Variants in ASIC1 observed in about 807,000 individuals in gnomAD.
ASIC1 encodes acid sensing ion channel subunit 1.
In ASIC1, 21 loss-of-function variants were observed where a neutral mutation model predicts 63.4. The ratio of observed to expected loss-of-function variants is 0.33; its 90% CI spans 0.23 to 0.48. The LOEUF is 0.48. Among genes scored for constraint, ASIC1 ranks in the 20% least tolerant of loss-of-function variants. The pLI is 0.99. For synonymous variants in ASIC1, 258 were observed against 278.2 expected (o/e 0.93, Z 0.72); for missense variants, 478 against 695.5 (o/e 0.69, Z 3.52).
chr12:50,064,564 C>T (rs903316359), intron 3 of ASIC1, among the ~76,000 whole-genome samples: 1 of 152,180 alleles, frequency 6.6e-6, no homozygotes, highest in Admixed American at 6.5e-5. Context: ...CTAAGTGCCT[C>T]TGGGGGCCAA....
At chr12:50,076,784 G>A (rs1195083772) in intron 3 of ASIC1, 1 of 364,404 alleles carries the variant, frequency 2.7e-6, no homozygotes, top group African/African-American at 2.1e-5. Flanking sequence ...ATCACTTCTA[G>A]GCTGAAGAAG....
In ASIC1 at chr12:50,078,890, C is replaced by G. The variant is rs1158871072; in HGVS notation, c.995-34C>G. Reference sequence around the variant, plus strand: ...CCACCATCACCAGACCCCTTGAATTCCCATCCTGCATCATTGTCTTTTCTC... The same window carrying G: ...CCACCATCACCAGACCCCTTGAATTGCCATCCTGCATCATTGTCTTTTCTC... On this transcript the variant is annotated intron_variant, in intron 6 of 11. Transcript: ENST00000447966. This position sits in a 1 kb window ranked among gnomAD's most constrained non-coding sequence, Gnocchi z 6.0. The G allele has an allele frequency of 1.2e-6, 2 of 1,606,518 alleles. No individual in the cohort carries two copies. The highest frequency in any genetic ancestry group is 4.5e-5 in the East Asian group (2 of 44,820).
chr12:50,080,373 A>C lies in ASIC1; in HGVS notation c.1206-125A>C, dbSNP rs1286602544. 11 of 956,650 alleles carry C rather than the reference A, an allele frequency of 1.1e-5. 1 individual carries two copies. The highest frequency in any genetic ancestry group is 2.2e-4 in the Middle Eastern group (1 of 4,624). The allele number at this position is 956,650 out of a possible 1,614,324, so 59.3% of individuals were successfully genotyped here. A position where few individuals can be genotyped will look rare whatever the true frequency, so the allele number is the denominator to read the frequency against. Reference sequence around the variant, plus strand: ...TTAATCCTAAAAGGCAGGTATCTCCATCAGCATCTCATTTTATGGATATGG... The same window carrying C: ...TTAATCCTAAAAGGCAGGTATCTCCCTCAGCATCTCATTTTATGGATATGG... On this transcript the variant is annotated intron_variant, in intron 8 of 11. Transcript: ENST00000447966.
At chr12:50,077,005 C>T (rs1191634088) in intron 3 of ASIC1, 2 of 825,444 alleles carry the variant, frequency 2.4e-6, no homozygotes, top group South Asian at 1.4e-5. Context: ...AGGCGATGCA[C>T]CCTACCAGGA....
At chr12:50,062,017 C>T (rs1020242089) in intron 3 of ASIC1, among the ~76,000 whole-genome samples, 4 of 152,180 alleles carry the variant, frequency 2.6e-5, no homozygotes, top group Non-Finnish European at 5.9e-5. Context: ...TGCTGTTTTG[C>T]AGCCCATGTC....
intron 3 of ASIC1, among the ~76,000 whole-genome samples, chr12:50,065,864 A>G (rs903648405): frequency 2.0e-5 from 3 of 152,254 alleles, no homozygotes; most frequent in Admixed American, 2.0e-4. Flanking sequence ...GGCTGAGAAC[A>G]TCCCTGGGGG....
chr12:50,072,057 GAGGCCAA>G (rs1950605002), intron 3 of ASIC1, among the ~76,000 whole-genome samples: 1 of 152,208 alleles, frequency 6.6e-6, no homozygotes, highest in Non-Finnish European at 1.5e-5. Context: ...CAGCAAAGCT[GAGGCCAA>G]AGGTTCCACA....
intron 1 of ASIC1, 108 bp from the exon 2 acceptor site, chr12:50,058,643 G>T: frequency 7.2e-7 from 1 of 1,382,008 alleles, no homozygotes. Flanking sequence ...TTCTGCCCGA[G>T]GAGTGGTGAC....
intron 1 of ASIC1, 113 bp downstream of exon 1, chr12:50,058,029 G>C (rs932737564): frequency 2.0e-5 from 3 of 152,164 alleles, no homozygotes; most frequent in South Asian, 4.1e-4. Flanking sequence ...GGCTGGGGAG[G>C]GGGGCGGGGG....
intron 1 of ASIC1, 112 bp from the exon 2 acceptor site, chr12:50,058,639 C>T (rs1950469741): frequency 7.4e-7 from 1 of 1,359,968 alleles, no homozygotes; most frequent in Non-Finnish European, 9.8e-7. Context: ...AGTCTTCTGC[C>T]CGAGGAGTGG....
Position 50,081,624 on chromosome 12 carries a change from G to A in ASIC1, c.1562G>A (p.Gly521Asp), listed in dbSNP as rs1260665757. Residue 521 changes from glycine to aspartate, a missense_variant, in exon 12 of 12, where the codon GGC (glycine) becomes GAC (aspartate). Coordinates refer to ENST00000447966, the MANE Select transcript of ASIC1 (RefSeq NM_001095.4). ...ATCCTACCTCACCATCCGGCCCGAG[G>A]CACGTTCGAGGACTTTACCTGCTGA... ...ANILPHHPAR[G>D]TFEDFTC The A allele has an allele frequency of 6.2e-7, 1 of 1,614,070 alleles. No individual in the cohort carries two copies. The highest frequency in any genetic ancestry group is 1.1e-5 in the South Asian group (1 of 91,068).
chr12:50,072,417 AAC>A (rs1319161066), intron 3 of ASIC1, among the ~76,000 whole-genome samples: 1 of 152,164 alleles, frequency 6.6e-6, no homozygotes. Context: ...GAGTAATCAG[AAC>A]ACACAGAGGG....
intron 3 of ASIC1, chr12:50,073,617 C>A (rs1436964212): frequency 2.0e-6 from 3 of 1,534,522 alleles, no homozygotes; most frequent in Non-Finnish European, 2.6e-6. Context: ...CCATGTCATT[C>A]TCCTCTGGAG....
chr12:50,065,800 G>T (rs1950540088), intron 3 of ASIC1, among the ~76,000 whole-genome samples: 1 of 152,324 alleles, frequency 6.6e-6, no homozygotes, highest in Middle Eastern at 3.4e-3. Context: ...CCAGGAGGTT[G>T]GGCTGTGCAG....
chr12:50,080,673 C>T, intron 9 of ASIC1, 84 bp downstream of exon 9: 1 of 1,614,146 alleles, frequency 6.2e-7, no homozygotes, highest in Non-Finnish European at 8.5e-7. Context: ...GTGCTCACTT[C>T]TGTCCCATGA....
chr12:50,060,544 T>A (rs1455896645), intron 3 of ASIC1, among the ~76,000 whole-genome samples: 3 of 152,156 alleles, frequency 2.0e-5, no homozygotes, highest in African/African-American at 7.2e-5. Context: ...CATAGACACA[T>A]ACACTGTTTG....
At chr12:50,060,092 A>C (rs879654152) in intron 3 of ASIC1, 138 bp downstream of exon 3, 30 of 1,052,830 alleles carry the variant, frequency 2.8e-5, no homozygotes, top group Non-Finnish European at 3.7e-5. Flanking sequence ...TTCTAGTAGA[A>C]GGGGAGTTTG....
chr12:50,063,108 G>T (rs1308421375), intron 3 of ASIC1, among the ~76,000 whole-genome samples: 1 of 152,216 alleles, frequency 6.6e-6, no homozygotes, highest in South Asian at 2.1e-4. Context: ...TCCTGGTAGG[G>T]TGTGTTGTTG....
In ASIC1 at chr12:50,078,366, A is replaced by G. The variant is rs960581152; in HGVS notation, c.838-55A>G. ...TGCATCTTGTCAGAGGAGTCCATCA[A>G]GCTGATTTGGGGAGAAGTCCCCGCA... On this transcript the variant is annotated intron_variant, in intron 5 of 11. Transcript: ENST00000447966. The surrounding 1 kb of genome is among the most constrained non-coding windows in gnomAD (Gnocchi z 6.0). 6 of 1,602,968 alleles carry G rather than the reference A, an allele frequency of 3.7e-6. No homozygotes were observed. The highest frequency in any genetic ancestry group is 3.4e-5 in the Admixed American group (2 of 59,522).
Sources: allele counts gnomAD v4.1 joint callset (sites outside exome capture counted in the v4.1 genomes callset), GRCh38; gene constraint gnomAD v4.1.1; non-coding constraint Gnocchi (gnomAD v3.1); transcripts MANE v1.5; gene names NCBI Gene and HGNC (gene_info 2026-07-23, HGNC 2026-07-21).